Variants in TMTC2 observed in about 807,000 individuals in gnomAD.
TMTC2 encodes the protein transmembrane O-mannosyltransferase targeting cadherins 2.
TMTC2 carries 43 observed loss-of-function variants against 82.4 expected under a neutral mutation model. That is an observed-to-expected ratio of 0.52 (90% CI 0.41 to 0.67). The LOEUF is 0.67. Among genes scored for constraint, TMTC2 ranks in the 30% least tolerant of loss-of-function variants. The pLI, the probability that TMTC2 is intolerant of heterozygous loss-of-function variation, is 0.00. For missense variants in TMTC2, 919 were observed against 1,012.4 expected (o/e 0.91, Z 1.25); for synonymous variants, 408 against 381.9 (o/e 1.07, Z -0.80).
intron 1 of TMTC2, among the ~76,000 whole-genome samples, chr12:82,769,370 G>A (rs11115391): frequency 0.16 from 24,863 of 151,766 alleles, 2,541 homozygotes; most frequent in African/African-American, 0.28. Flanking sequence ...CAGAGACTCA[G>A]GAGGCTGAGG....
At chr12:82,907,190 G>A (rs572407138) in intron 3 of TMTC2, among the ~76,000 whole-genome samples, 91 of 152,208 alleles carry the variant, frequency 6.0e-4, no homozygotes, top group South Asian at 1.0e-3. Flanking sequence ...GGGGCCGGGC[G>A]TGGTGGCTCA....
At chr12:83,036,803 G>T (rs1325095573) in intron 9 of TMTC2, among the ~76,000 whole-genome samples, 1 of 152,198 alleles carries the variant, frequency 6.6e-6, no homozygotes, top group East Asian at 1.9e-4. Context: ...AAATTCAAGG[G>T]CATTGCCTTT....
rs529099691 is a variant in TMTC2, at chr12:83,077,961, T to TC, written c.2331+16137dup. 1.1e-4 allele frequency among the ~76,000 whole-genome samples: 15 copies of TC among 140,788 alleles called. No homozygotes were observed. The South Asian group carries it at 2.1e-3, about 20-fold the overall frequency. The allele number at this position is 140,788 out of a possible 152,430, so 92.4% of individuals were successfully genotyped here. On this transcript the variant is annotated intron_variant, in intron 11 of 11. Coordinates refer to ENST00000321196, the MANE Select transcript of TMTC2 (RefSeq NM_152588.3). ...GGGTGGAAGGAAAATATATTTTTCC[T>TC]CCCCCCCACAATACCTAACTAGCAC...
intron 1 of TMTC2, among the ~76,000 whole-genome samples, chr12:82,727,133 T>C (rs898332046): frequency 5.9e-5 from 9 of 151,990 alleles, no homozygotes; most frequent in South Asian, 4.2e-4. Context: ...AGAAAACTTA[T>C]AATGTTTATT....
At chr12:82,849,213 G>T (rs1323146060) in intron 1 of TMTC2, among the ~76,000 whole-genome samples, 1 of 152,162 alleles carries the variant, frequency 6.6e-6, no homozygotes, top group African/African-American at 2.4e-5. Context: ...GGCAGGCAGG[G>T]ATAGCTATTT....
At chr12:83,044,744 T>G (rs1203267551) in intron 9 of TMTC2, among the ~76,000 whole-genome samples, 1 of 152,232 alleles carries the variant, frequency 6.6e-6, no homozygotes, top group African/African-American at 2.4e-5. Flanking sequence ...TTGAACAGTT[T>G]TAAAGCTACA....
intron 8 of TMTC2, among the ~76,000 whole-genome samples, chr12:82,995,152 G>C (rs1357205206): frequency 1.3e-5 from 2 of 152,068 alleles, no homozygotes; most frequent in African/African-American, 4.8e-5. Flanking sequence ...AATATATCAA[G>C]TAGAACATTT....
chr12:83,081,826 T>C (rs1883482094), intron 11 of TMTC2, among the ~76,000 whole-genome samples: 1 of 151,864 alleles, frequency 6.6e-6, no homozygotes, highest in Non-Finnish European at 1.5e-5. Flanking sequence ...ATCACTGGGG[T>C]CCAAGGGTTC....
intron 1 of TMTC2, among the ~76,000 whole-genome samples, chr12:82,814,735 A>T (rs1868592138): frequency 6.6e-6 from 1 of 152,198 alleles, no homozygotes; most frequent in Non-Finnish European, 1.5e-5. Flanking sequence ...GTGGTAACTG[A>T]AAATCAAGAC....
chr12:83,111,692 A>G (rs1330357701), intron 11 of TMTC2, among the ~76,000 whole-genome samples: 1 of 152,050 alleles, frequency 6.6e-6, no homozygotes, highest in Non-Finnish European at 1.5e-5. Flanking sequence ...GCTCCATGAG[A>G]CTGGAGTTTT....
Position 83,020,024 on chromosome 12 carries a change from G to A in TMTC2, c.2071-10774G>A, listed in dbSNP as rs548324672. Among the ~76,000 whole-genome samples, 113 of 152,208 alleles carry A rather than the reference G, an allele frequency of 7.4e-4. 1 individual carries two copies. Among genetic ancestry groups the A allele is most frequent in the Non-Finnish European group, 1.0e-3 (69 of 68,012 alleles). On this transcript the variant is annotated intron_variant, in intron 8 of 11. Transcript: ENST00000321196. ...TTTACCTTTGCTGTGCCTCTACTTA[G>A]AATACTTTTGTTTCTGCTTCAATTA...
Position 82,806,950 on chromosome 12 carries a change from C to T in TMTC2, c.84-50060C>T, listed in dbSNP as rs117974887. On this transcript the variant is annotated intron_variant, in intron 1 of 11. Coordinates refer to ENST00000321196, the MANE Select transcript of TMTC2 (RefSeq NM_152588.3). ...ACATGGACTGTGTACATATTTTGTC[C>T]ATGAAAATCTACCCATGATTTTATG... Among the ~76,000 whole-genome samples, 846 of 152,158 alleles carry T rather than the reference C, an allele frequency of 5.6e-3. 2 individuals carry two copies. The highest frequency in any genetic ancestry group is 0.024 in the Middle Eastern group (7 of 294).
At chr12:82,774,662 A>T (rs1555184285) in intron 1 of TMTC2, among the ~76,000 whole-genome samples, 2 of 137,976 alleles carry the variant, frequency 1.4e-5, no homozygotes, top group African/African-American at 2.7e-5. Context: ...TCTGGGGATG[A>T]TAAAGTTCCT....
intron 1 of TMTC2, among the ~76,000 whole-genome samples, chr12:82,796,035 A>G (rs1409221237): frequency 6.6e-6 from 1 of 152,130 alleles, no homozygotes; most frequent in African/African-American, 2.4e-5. Context: ...ATACCAGAAC[A>G]CCAGAAACTT....
At chr12:82,963,912 G>A (rs552619469) in intron 4 of TMTC2, among the ~76,000 whole-genome samples, 1 of 143,498 alleles carries the variant, frequency 7.0e-6, no homozygotes, top group South Asian at 2.2e-4. Context: ...GCAACTATGA[G>A]AAATAATGAA....
rs532242986 is a variant in TMTC2 at position 83,134,086 on chromosome 12, T to G, written c.*1697T>G. 6.6e-6 allele frequency: 1 copy of G among 152,620 alleles called. No homozygotes were observed. Among genetic ancestry groups the G allele is most frequent in the South Asian group, 2.1e-4 (1 of 4,832 alleles). The allele number at this position is 152,620 out of a possible 1,614,324, so 9.5% of individuals were successfully genotyped here. ...AGTGTTTTTGTGAGAAGGGTAAATG[T>G]AGTGAGAAAGGTTTTTTCATGGCAT... On this transcript the variant is annotated 3_prime_UTR_variant, in exon 12 of 12. Transcript: ENST00000321196.
intron 1 of TMTC2, among the ~76,000 whole-genome samples, chr12:82,835,788 C>G (rs1318531657): frequency 6.6e-6 from 1 of 152,132 alleles, no homozygotes. Flanking sequence ...ATCGCTGTTG[C>G]TCCCTGCCCC....
intron 5 of TMTC2, 48 bp downstream of exon 5, chr12:82,965,157 G>C (rs983876457): frequency 1.5e-6 from 2 of 1,361,568 alleles, no homozygotes; most frequent in Non-Finnish European, 2.1e-6. Flanking sequence ...TTCCATATTT[G>C]AAAATTAACT....
intron 9 of TMTC2, among the ~76,000 whole-genome samples, chr12:83,033,277 G>T (rs1038498228): frequency 4.6e-5 from 7 of 152,112 alleles, no homozygotes; most frequent in African/African-American, 1.7e-4. Flanking sequence ...TTCTTTTAGA[G>T]GGATCTATTT....
Sources: gnomAD v4.1 joint callset for allele counts (sites outside exome capture counted in the v4.1 genomes callset) on GRCh38, gnomAD v4.1.1 for gene constraint, MANE v1.5 for transcripts, NCBI Gene and HGNC (gene_info 2026-07-23, HGNC 2026-07-21) for gene names.